The following NEUROD1 variants were observed in gnomAD, a reference collection of about 807,000 sequenced individuals.
The protein encoded by NEUROD1 is neurogenic differentiation factor 1.
In NEUROD1, 9 loss-of-function variants were observed where a neutral mutation model predicts 21.8. The observed-to-expected ratio is 0.41, with a 90% confidence interval of 0.25 to 0.72. The LOEUF is 0.72. Ranked by LOEUF, NEUROD1 falls within the 30% of genes least tolerant of loss-of-function variation. The pLI is 0.31. For missense variants in NEUROD1, 434 were observed against 468.8 expected, an observed-to-expected ratio of 0.93 and a Z score of 0.69; for synonymous variants, 199 against 186.2, an observed-to-expected ratio of 1.07 and a Z score of -0.56.
downstream of NEUROD1, among the ~76,000 whole-genome samples, chr2:181,672,153 T>C (rs1688507923): frequency 6.6e-6 from 1 of 152,220 alleles, no homozygotes; most frequent in Admixed American, 6.5e-5. Context: ...TTCCAGATTA[T>C]ATTTAACCAA....
Position 181,678,815 on chromosome 2 carries a change from G to A in NEUROD1, c.46C>T (p.Pro16Ser), listed in dbSNP as rs1026616462. The change falls in exon 2 of 2, where the codon CCC becomes TCC. Residue 16 changes from proline to serine, a missense_variant. Pro to Ser is a moderately conservative substitution (Grantham distance 74). Transcript: ENST00000295108. The surrounding 1 kb of genome is among the most constrained non-coding windows in gnomAD (Gnocchi z 5.5). The part of the protein sequence containing the change: ...SESGLMGEPQ[P>S]QGPPSWTDEC... The stretch of plus-strand genomic sequence containing the variant: ...TCTGTCCAGCTTGGAGGACCTTGGG[G>A]CTGAGGCTCGCCCATCAGCCCACTC... The A allele has an allele frequency of 6.2e-7, 1 of 1,614,108 alleles. No individual in the cohort carries two copies. Among genetic ancestry groups the A allele is most frequent in the Non-Finnish European group, 8.5e-7 (1 of 1,180,036 alleles).
At chr2:181,675,730 C>T (rs1688559768), downstream of NEUROD1, among the ~76,000 whole-genome samples, 1 of 150,752 alleles carries the variant, frequency 6.6e-6, no homozygotes, top group Non-Finnish European at 1.5e-5. Context: ...CATGAAACAA[C>T]AGAATAGTGC....
chr2:181,668,735 A>G (rs186194339), downstream of NEUROD1, among the ~76,000 whole-genome samples: 820 of 152,304 alleles, frequency 5.4e-3, 10 homozygotes, highest in African/African-American at 0.019. Flanking sequence ...AGTATTGGCC[A>G]TTGAGAAAAT....
chr2:181,674,360 T>A (rs991506613), downstream of NEUROD1, among the ~76,000 whole-genome samples: 1 of 152,192 alleles, frequency 6.6e-6, no homozygotes, highest in African/African-American at 2.4e-5. Flanking sequence ...TGCCAGCATT[T>A]TTTTTTGGTT....
In NEUROD1 at chr2:181,677,598, C is replaced by A; in HGVS notation, c.*192G>T. On this transcript the variant is annotated 3_prime_UTR_variant, in exon 2 of 2. Transcript: ENST00000295108. Reference sequence around the variant, plus strand: ...AATAGAAGAGCTATAGAAAATAATACATAAGGTGAACAGGAACTTTGATCC... The same window carrying A: ...AATAGAAGAGCTATAGAAAATAATAAATAAGGTGAACAGGAACTTTGATCC... 1.0e-6 allele frequency: 1 copy of A among 970,186 alleles called. No individual in the cohort carries two copies. Among genetic ancestry groups the A allele is most frequent in the Non-Finnish European group, 1.5e-6 (1 of 654,396 alleles). The allele number at this position is 970,186 out of a possible 1,614,324, so 60.1% of individuals were successfully genotyped here.
At chr2:181,671,013 T>C (rs1008051819) in exon 2 of NEUROD1, among the ~76,000 whole-genome samples, 11 of 146,894 alleles carry the variant, frequency 7.5e-5, no homozygotes, top group Non-Finnish European at 4.5e-5. Flanking sequence ...CAACCAAGTA[T>C]AGCATATGTG....
rs1559135426 is a variant in NEUROD1, at chr2:181,678,577, C to A, written c.284G>T (p.Arg95Leu). ...GCGTCTCAATTTAAAACGCTCCAGG[C>A]GAGCCTTAGTCATCTTCTTCTTTTT... ...GPKKKKMTKA[R>L]LERFKLRRMK... The change falls in exon 2 of 2, where the codon CGC (arginine) becomes CTC (leucine). Residue 95 changes from arginine to leucine, a missense_variant. Transcript: ENST00000295108. This position sits in a 1 kb window ranked among gnomAD's most constrained non-coding sequence, Gnocchi z 5.5. 7 of 1,614,198 alleles carry A rather than the reference C, an allele frequency of 4.3e-6. No homozygotes were observed. Among genetic ancestry groups the A allele is most frequent in the African/African-American group, 2.7e-5 (2 of 75,060 alleles).
At chr2:181,676,235 G>A (rs192155087), downstream of NEUROD1, among the ~76,000 whole-genome samples, 162 of 152,158 alleles carry the variant, frequency 1.1e-3, no homozygotes, top group African/African-American at 2.8e-3. Context: ...TTGTACTGCC[G>A]TCCAGTCCCA....
At chr2:181,674,416 A>C (rs1182756234), downstream of NEUROD1, among the ~76,000 whole-genome samples, 1 of 152,176 alleles carries the variant, frequency 6.6e-6, no homozygotes. Flanking sequence ...AACTGGGTAT[A>C]AGCATTAGCC....
At chr2:181,671,890 T>C (rs138124092), downstream of NEUROD1, among the ~76,000 whole-genome samples, 646 of 152,286 alleles carry the variant, frequency 4.2e-3, 2 homozygotes, top group African/African-American at 0.015. Flanking sequence ...TACCCCTTCA[T>C]TGACGTCACC....
rs1417167047 is a variant in NEUROD1, at chr2:181,678,101, C to G, written c.760G>C (p.Glu254Gln). ...PPPHAYSAAL[E>Q]PFFESPLTDC... The stretch of plus-strand genomic sequence containing the variant: ...GTCAGAGGGCTTTCAAAGAAGGGCT[C>G]CAGCGCTGCGCTGTAGGCGTGCGGC... Residue 254 changes from glutamate to glutamine, a missense_variant, in exon 2 of 2, where the codon GAG becomes CAG. Physicochemically the swap from Glu to Gln is conservative, Grantham distance 29. Transcript: ENST00000295108. This position sits in a 1 kb window ranked among gnomAD's most constrained non-coding sequence, Gnocchi z 5.5. The G allele has an allele frequency of 1.2e-6, 2 of 1,614,168 alleles. No homozygotes were observed. The highest frequency in any genetic ancestry group is 1.7e-6 in the Non-Finnish European group (2 of 1,180,040).
downstream of NEUROD1, among the ~76,000 whole-genome samples, chr2:181,669,390 C>G (rs762613759): frequency 2.0e-5 from 3 of 152,144 alleles, no homozygotes. Flanking sequence ...CTCTGCTCCC[C>G]GTCTATCTTT....
downstream of NEUROD1, among the ~76,000 whole-genome samples, chr2:181,672,484 A>G (rs1688511966): frequency 6.6e-6 from 1 of 152,234 alleles, no homozygotes; most frequent in African/African-American, 2.4e-5. Flanking sequence ...CAGAAGAGAC[A>G]ACTTTGTCTC....
chr2:181,671,079 TAC>T (rs896916767), exon 2 of NEUROD1, among the ~76,000 whole-genome samples: 93 of 151,202 alleles, frequency 6.2e-4, no homozygotes, highest in Middle Eastern at 3.4e-3. Context: ...TATATATATA[TAC>T]GTTTTCCCTT....
At position 181,678,460 on chromosome 2, in the gene NEUROD1, G is replaced by T; in HGVS notation, c.401C>A (p.Thr134Lys). Reference sequence around the variant, plus strand: ...AGTCTCGATTTTGGACAGCTTCTGCGTCTTAGAATAGCAAGGCACCACCTT... The same window carrying T: ...AGTCTCGATTTTGGACAGCTTCTGCTTCTTAGAATAGCAAGGCACCACCTT... ...LRKVVPCYSKTQKLSKIETLR... is the reference protein window; with the variant it reads ...LRKVVPCYSKKQKLSKIETLR... Residue 134 changes from threonine to lysine, a missense_variant, in exon 2 of 2, where the codon ACG (threonine) becomes AAG (lysine). By Grantham distance (78) the Thr-to-Lys change is moderately conservative (BLOSUM62 -1). Transcript: ENST00000295108. This position sits in a 1 kb window ranked among gnomAD's most constrained non-coding sequence, Gnocchi z 5.5. The T allele has an allele frequency of 6.2e-7, 1 of 1,614,224 alleles. No individual in the cohort carries two copies. Among genetic ancestry groups the T allele is most frequent in the Non-Finnish European group, 8.5e-7 (1 of 1,180,046 alleles).
chr2:181,679,825 T>G (rs2105597261), intron 1 of NEUROD1, among the ~76,000 whole-genome samples: 1 of 152,344 alleles, frequency 6.6e-6, no homozygotes, highest in South Asian at 2.1e-4. Flanking sequence ...GTAAAACAAC[T>G]GAATTTCTGG....
At chr2:181,679,991 C>T (rs1688667870) in intron 1 of NEUROD1, among the ~76,000 whole-genome samples, 1 of 152,154 alleles carries the variant, frequency 6.6e-6, no homozygotes, top group Admixed American at 6.5e-5. Flanking sequence ...GTATCCATGT[C>T]CCTTTCATTC....
rs1465049541 is a variant in NEUROD1 at position 181,677,845 on chromosome 2, T to G, written c.1016A>C (p.His339Pro). The change falls in exon 2 of 2, where the codon CAT becomes CCT. Residue 339 changes from histidine to proline, a missense_variant. By Grantham distance (77) the His-to-Pro change is moderately conservative. Transcript: ENST00000295108. ...PIDNIMSFDSHSHHERVMSAQ... is the reference protein window; with the variant it reads ...PIDNIMSFDSPSHHERVMSAQ... ...ACTCATGACTCGCTCATGATGTGAA[T>G]GGCTATCGAAGGACATAATATTGTC... The G allele has an allele frequency of 6.2e-7, 1 of 1,614,064 alleles. No individual in the cohort carries two copies. The highest frequency in any genetic ancestry group is 8.5e-7 in the Non-Finnish European group (1 of 1,180,046).
At chr2:181,675,748 G>C (rs570593228), downstream of NEUROD1, among the ~76,000 whole-genome samples, 2 of 152,136 alleles carry the variant, frequency 1.3e-5, no homozygotes, top group South Asian at 2.1e-4. Flanking sequence ...TGCCCCAAAG[G>C]GTGGGGGGAG....
Sources: allele counts gnomAD v4.1 joint callset (sites outside exome capture counted in the v4.1 genomes callset), GRCh38; gene constraint gnomAD v4.1.1; non-coding constraint Gnocchi (gnomAD v3.1); transcripts MANE v1.5; gene names NCBI Gene and HGNC (gene_info 2026-07-23, HGNC 2026-07-21).